Variants in PIP4K2A observed in about 807,000 individuals in gnomAD.
The protein encoded by PIP4K2A is phosphatidylinositol-5-phosphate 4-kinase type 2 alpha, also known as phosphatidylinositol 5-phosphate 4-kinase type-2 alpha.
PIP4K2A carries 14 observed loss-of-function variants against 42.9 expected under a neutral mutation model. That is an observed-to-expected ratio of 0.33 (90% CI 0.22 to 0.51). The LOEUF (loss-of-function observed/expected upper bound fraction) is 0.51, where lower values mean the gene tolerates loss of function less well. PIP4K2A is among the 20% of genes least tolerant of loss of function. The pLI is 0.97. For missense variants in PIP4K2A, 434 were observed against 519.8 expected (o/e 0.83, Z 1.61); for synonymous variants, 192 against 192.2 (o/e 1.00, Z 0.01).
chr10:22,560,067 GA>G (rs1836647927), intron 6 of PIP4K2A, among the ~76,000 whole-genome samples: 1 of 152,152 alleles, frequency 6.6e-6, no homozygotes, highest in South Asian at 2.1e-4. Context: ...GCCCTAGTGG[GA>G]AACTTTCCCC....
intron 6 of PIP4K2A, among the ~76,000 whole-genome samples, chr10:22,557,750 TTTAA>T: frequency 6.6e-6 from 1 of 152,340 alleles, no homozygotes; most frequent in Non-Finnish European, 1.5e-5. Context: ...CATTCTAAAC[TTTAA>T]TTATACAACA....
intron 6 of PIP4K2A, among the ~76,000 whole-genome samples, chr10:22,553,517 C>T (rs12260590): frequency 0.02 from 3,016 of 152,290 alleles, 73 homozygotes; most frequent in African/African-American, 0.068. Context: ...TCAGTCTTTG[C>T]AACAACCTTA....
intron 1 of PIP4K2A, among the ~76,000 whole-genome samples, chr10:22,672,286 TG>T (rs776977397): frequency 7.1e-5 from 9 of 126,152 alleles, no homozygotes; most frequent in African/African-American, 1.7e-4. Flanking sequence ...GGGGACAGTG[TG>T]GGGGGGGATT....
intron 1 of PIP4K2A, among the ~76,000 whole-genome samples, chr10:22,655,376 G>C (rs538808215): frequency 1.3e-5 from 2 of 152,314 alleles, no homozygotes; most frequent in East Asian, 3.9e-4. Flanking sequence ...GTGGAGGTCT[G>C]TTTGTGACTG....
At chr10:22,654,373 G>C (rs1839053328) in intron 1 of PIP4K2A, among the ~76,000 whole-genome samples, 1 of 151,936 alleles carries the variant, frequency 6.6e-6, no homozygotes, top group Non-Finnish European at 1.5e-5. Context: ...ACCATGTGTG[G>C]AGAAAAAAAA....
intron 1 of PIP4K2A, among the ~76,000 whole-genome samples, chr10:22,702,732 A>T (rs2130918693): frequency 6.6e-6 from 1 of 152,272 alleles, no homozygotes; most frequent in South Asian, 2.1e-4. Context: ...TCAACTTTCT[A>T]TGTTTATGAA....
intron 1 of PIP4K2A, among the ~76,000 whole-genome samples, chr10:22,706,316 C>A (rs1027119165): frequency 6.6e-6 from 1 of 152,164 alleles, no homozygotes; most frequent in Non-Finnish European, 1.5e-5. Context: ...CTGGTTAGCA[C>A]CTTGGCAGAT....
chr10:22,591,434 T>C lies in PIP4K2A; in HGVS notation c.492+195A>G, dbSNP rs180789856. On this transcript the variant is annotated intron_variant, in intron 4 of 9. Coordinates refer to ENST00000376573, the MANE Select transcript of PIP4K2A (RefSeq NM_005028.5). ...TTATACAAATAATGAATGACCTTTA[T>C]AGCACAAGCATGCCTAAAGGTTAAC... 7.2e-5 allele frequency among the ~76,000 whole-genome samples: 11 copies of C among 152,378 alleles called. No individual in the cohort carries two copies. In the East Asian group the frequency reaches 1.2e-3, roughly 16 times the overall value.
chr10:22,633,983 C>T (rs1374996002), intron 1 of PIP4K2A, among the ~76,000 whole-genome samples: 1 of 152,194 alleles, frequency 6.6e-6, no homozygotes. Flanking sequence ...ATCACTGTCC[C>T]CAGAGGGCTG....
intron 3 of PIP4K2A, among the ~76,000 whole-genome samples, chr10:22,600,194 A>G (rs555524128): frequency 1.3e-5 from 2 of 151,780 alleles, no homozygotes; most frequent in African/African-American, 4.8e-5. Context: ...GTCTTGTATA[A>G]TTTGTTTTTT....
chr10:22,623,616 G>T (rs963250275), intron 1 of PIP4K2A, among the ~76,000 whole-genome samples: 2 of 152,136 alleles, frequency 1.3e-5, no homozygotes, highest in African/African-American at 4.8e-5. Context: ...CGGTTGGCAG[G>T]GGACGTCCGT....
intron 1 of PIP4K2A, among the ~76,000 whole-genome samples, chr10:22,646,763 G>A (rs760708182): frequency 2.0e-5 from 3 of 152,088 alleles, no homozygotes; most frequent in African/African-American, 4.8e-5. Flanking sequence ...ACCCACCTGT[G>A]GAGTCTGAGA....
intron 1 of PIP4K2A, among the ~76,000 whole-genome samples, chr10:22,637,026 T>C (rs1404331876): frequency 1.3e-5 from 2 of 152,254 alleles, no homozygotes; most frequent in African/African-American, 2.4e-5. Flanking sequence ...TAAACACTTG[T>C]TGTTTTAGGC....
At position 22,549,746 on chromosome 10, in the gene PIP4K2A, C is replaced by A. The variant is rs549698777; in HGVS notation, c.792+913G>T. Among the ~76,000 whole-genome samples, 809 of 139,832 alleles carry A rather than the reference C, an allele frequency of 5.8e-3. 9 individuals are homozygous for A. The highest frequency in any genetic ancestry group is 0.019 in the African/African-American group (734 of 37,876). 91.7% of individuals were successfully genotyped at this position (139,832 alleles called of 152,430 possible). Reference sequence around the variant, plus strand: ...GTCCCAGCTACTCAGGAGGCTGAGGCGGGAGAATGGCGTGAACCTGGGAGG... The same window carrying A: ...GTCCCAGCTACTCAGGAGGCTGAGGAGGGAGAATGGCGTGAACCTGGGAGG... On this transcript the variant is annotated intron_variant, in intron 7 of 9. Coordinates refer to ENST00000376573, the MANE Select transcript of PIP4K2A (RefSeq NM_005028.5).
In PIP4K2A at chr10:22,612,012, C is replaced by G. The variant is rs368995879; in HGVS notation, c.145-2295G>C. On this transcript the variant is annotated intron_variant, in intron 1 of 9. Transcript: ENST00000376573. ...TAAGAGAGTCTTCTCAGACAGGAAA[C>G]AGGAAACCAGAAACTTTCTGCATCC... Among the ~76,000 whole-genome samples, 43 of 152,330 alleles carry G rather than the reference C, an allele frequency of 2.8e-4. No individual in the cohort carries two copies. The East Asian group carries it at 3.5e-3, about 12-fold the overall frequency.
At chr10:22,677,781 T>G (rs1363641490) in intron 1 of PIP4K2A, among the ~76,000 whole-genome samples, 2 of 152,214 alleles carry the variant, frequency 1.3e-5, no homozygotes, top group Non-Finnish European at 2.9e-5. Flanking sequence ...TCAGAAAATG[T>G]TTCTAAGATG....
intron 1 of PIP4K2A, among the ~76,000 whole-genome samples, chr10:22,696,071 C>G (rs1024446958): frequency 6.6e-6 from 1 of 152,186 alleles, no homozygotes; most frequent in Non-Finnish European, 1.5e-5. Context: ...GTAATCCCTC[C>G]TCAGAGGGAC....
chr10:22,610,137 C>T (rs538262427), intron 1 of PIP4K2A, among the ~76,000 whole-genome samples: 119 of 152,256 alleles, frequency 7.8e-4, no homozygotes, highest in Middle Eastern at 3.4e-3. Context: ...GATTAATGGA[C>T]GTGATTTATA....
chr10:22,597,079 G>A (rs1277440528), intron 3 of PIP4K2A, among the ~76,000 whole-genome samples: 1 of 152,250 alleles, frequency 6.6e-6, no homozygotes, highest in East Asian at 1.9e-4. Flanking sequence ...CAGTGCTAAT[G>A]CAGTCCGGAG....
Sources: allele counts gnomAD v4.1 joint callset (sites outside exome capture counted in the v4.1 genomes callset), GRCh38; gene constraint gnomAD v4.1.1; transcripts MANE v1.5; gene names NCBI Gene and HGNC (gene_info 2026-07-23, HGNC 2026-07-21).